The following CPXM2 variants were observed in gnomAD, a reference collection of about 807,000 sequenced individuals.
The protein encoded by CPXM2 is inactive carboxypeptidase-like protein X2.
A neutral mutation model predicts 86.1 loss-of-function variants in CPXM2; 66 were observed. That is an observed-to-expected ratio of 0.77 (90% CI 0.63 to 0.94). The LOEUF is 0.94. Ranked by LOEUF, CPXM2 falls within the 40% of genes least tolerant of loss-of-function variation. The pLI is 0.00. For synonymous variants in CPXM2, 388 were observed against 400.2 expected (o/e 0.97, Z 0.36); for missense variants, 948 against 1,026.3 (o/e 0.92, Z 1.04).
intron 4 of CPXM2, among the ~76,000 whole-genome samples, chr10:123,815,658 T>C (rs1047910110): frequency 3.3e-5 from 5 of 152,210 alleles, no homozygotes; most frequent in African/African-American, 4.8e-5. Flanking sequence ...CCTGAGGCAA[T>C]TGCCAGGCAA....
intron 2 of CPXM2, among the ~76,000 whole-genome samples, chr10:123,937,118 C>A (rs1406378698): frequency 6.6e-6 from 1 of 152,170 alleles, no homozygotes; most frequent in Non-Finnish European, 1.5e-5. Context: ...GCCTTCCTGA[C>A]CAAGTAAAGG....
intron 11 of CPXM2, 41 bp from the exon 12 acceptor site, chr10:123,757,393 C>A (rs920432015): frequency 3.8e-6 from 6 of 1,574,602 alleles, no homozygotes; most frequent in Non-Finnish European, 5.2e-6. Context: ...GAACAATACT[C>A]AAAATGGCAC....
At chr10:123,825,028 G>A (rs1848016644) in intron 4 of CPXM2, among the ~76,000 whole-genome samples, 1 of 152,202 alleles carries the variant, frequency 6.6e-6, no homozygotes, top group African/African-American at 2.4e-5. Flanking sequence ...ACATGGCTTA[G>A]AAATTGGACA....
chr10:123,748,453 GCA>G (rs1406579236), intron 13 of CPXM2, among the ~76,000 whole-genome samples: 1 of 152,142 alleles, frequency 6.6e-6, no homozygotes, highest in African/African-American at 2.4e-5. Context: ...TTGAAATCAT[GCA>G]CATTCTAATC....
At chr10:123,841,722 T>G (rs146361249) in intron 4 of CPXM2, among the ~76,000 whole-genome samples, 2 of 152,254 alleles carry the variant, frequency 1.3e-5, no homozygotes, top group African/African-American at 4.8e-5. Context: ...TTTCACTGTA[T>G]GCATATGTCA....
Position 123,891,294 on chromosome 10 carries a change from T to C in CPXM2, c.304+62A>G. 1 of 1,335,630 alleles carries C rather than the reference T, an allele frequency of 7.5e-7. No homozygotes were observed. The highest frequency in any genetic ancestry group is 2.8e-5 in the Admixed American group (1 of 35,422). 82.7% of individuals were successfully genotyped at this position (1,335,630 alleles called of 1,614,324 possible). A position where few individuals can be genotyped will look rare whatever the true frequency, so the allele number is the denominator to read the frequency against. On this transcript the variant is annotated intron_variant, in intron 1 of 13. Transcript: ENST00000241305. This position sits in a 1 kb window ranked among gnomAD's most constrained non-coding sequence, Gnocchi z 5.6. The stretch of plus-strand genomic sequence containing the variant: ...CACACACAATGGGAGAAGCCAGTTG[T>C]CCCCTGGAGGCGCGCAACCACCGGC...
chr10:123,895,121 C>CTTTTTTTTTTTTTTTTTTTT (rs869104432), upstream of CPXM2, among the ~76,000 whole-genome samples: 109 of 85,856 alleles, frequency 1.3e-3, no homozygotes, highest in Non-Finnish European at 1.6e-3. Flanking sequence ...TCTTTTTTTT[C>CTTTTTTTTTTTTTTTTTTTT]TTTTTTTTTT....
intron 4 of CPXM2, among the ~76,000 whole-genome samples, chr10:123,837,964 C>T (rs972365563): frequency 1.2e-4 from 18 of 152,216 alleles, no homozygotes; most frequent in Non-Finnish European, 2.1e-4. Context: ...TTTACCATGG[C>T]ATGCGCCTTG....
chr10:123,922,250 C>T (rs1945584706), intron 2 of CPXM2, among the ~76,000 whole-genome samples: 1 of 37,400 alleles, frequency 2.7e-5, no homozygotes. Context: ...CATCATCCTA[C>T]CCATTTTGGA....
At chr10:123,792,262 G>GA (rs1214066707) in intron 6 of CPXM2, among the ~76,000 whole-genome samples, 1 of 152,166 alleles carries the variant, frequency 6.6e-6, no homozygotes, top group Non-Finnish European at 1.5e-5. Flanking sequence ...GGGAAATTGG[G>GA]AAAAATCAAG....
chr10:123,836,731 C>T (rs1848289612), intron 4 of CPXM2, among the ~76,000 whole-genome samples: 1 of 152,204 alleles, frequency 6.6e-6, no homozygotes, highest in South Asian at 2.1e-4. Context: ...GGGGTGAAGG[C>T]TTGGAACAGC....
At chr10:123,906,784 T>C (rs1945446157) in intron 2 of CPXM2, among the ~76,000 whole-genome samples, 1 of 152,068 alleles carries the variant, frequency 6.6e-6, no homozygotes, top group South Asian at 2.1e-4. Context: ...CCCATGCACT[T>C]TTAGGAGAGA....
intron 2 of CPXM2, among the ~76,000 whole-genome samples, chr10:123,910,062 C>T (rs1326770283): frequency 1.3e-5 from 2 of 152,092 alleles, no homozygotes; most frequent in East Asian, 1.9e-4. Context: ...GGAGCAGGTG[C>T]AGCCACCATA....
At chr10:123,854,422 TAA>T (rs1491138541) in intron 3 of CPXM2, among the ~76,000 whole-genome samples, 22 of 124,606 alleles carry the variant, frequency 1.8e-4, no homozygotes, top group African/African-American at 6.6e-4. Context: ...ATAAAATATA[TAA>T]TATATATATA....
At chr10:123,826,631 T>C (rs1036826806) in intron 4 of CPXM2, among the ~76,000 whole-genome samples, 16 of 152,092 alleles carry the variant, frequency 1.1e-4, no homozygotes, top group African/African-American at 3.9e-4. Context: ...GTCATAATTT[T>C]ATGACTATAA....
In CPXM2 at chr10:123,746,786, T is replaced by C. The variant is rs7088479; in HGVS notation, c.2249A>G (p.Gln750Arg). ...LPARRLKLRG[Q>R]KRRQRG ...GGGTCACCCACGCTGTCGTCTCTTC[T>C]GCCCCCGCAGCTTCAGCCGCCTGGC... Residue 750 changes from glutamine (Q) to arginine (R), a missense_variant, in exon 14 of 14, where the codon CAG (glutamine) becomes CGG (arginine). Gln to Arg is a conservative substitution (Grantham distance 43, BLOSUM62 1). Coordinates refer to ENST00000241305, the MANE Select transcript of CPXM2 (RefSeq NM_198148.3). 1 allele frequency: 1,608,621 copies of C among 1,614,172 alleles called. 801,632 individuals carry two copies. The highest frequency in any genetic ancestry group is 1 in the East Asian group (44,864 of 44,864).
rs1044806436 is a variant in CPXM2, at chr10:123,780,270, A to G, written c.890-15T>C. The G allele has an allele frequency of 5.3e-6, 8 of 1,512,468 alleles. No individual in the cohort carries two copies. In the African/African-American group the frequency reaches 8.2e-5, roughly 16 times the overall value. The allele number at this position is 1,512,468 out of a possible 1,614,324, so 93.7% of individuals were successfully genotyped here. A position where few individuals can be genotyped will look rare whatever the true frequency, so the allele number is the denominator to read the frequency against. ...ATTATTAGGATCTAGGGACAGAAAC[A>G]TGATTTTGCATTTACTCCCATCATT... is the stretch of plus-strand genomic sequence containing the variant. On this transcript the variant is annotated splice_polypyrimidine_tract_variant and intron_variant, in intron 6 of 13. Coordinates refer to ENST00000241305, the MANE Select transcript of CPXM2 (RefSeq NM_198148.3).
At chr10:123,823,499 C>T (rs1847974594) in intron 4 of CPXM2, among the ~76,000 whole-genome samples, 1 of 152,080 alleles carries the variant, frequency 6.6e-6, no homozygotes, top group Admixed American at 6.6e-5. Context: ...AAAAAGGTTG[C>T]ACAGGGAAGG....
At chr10:123,831,467 T>G (rs1450538806) in intron 4 of CPXM2, among the ~76,000 whole-genome samples, 1 of 152,252 alleles carries the variant, frequency 6.6e-6, no homozygotes, top group East Asian at 1.9e-4. Flanking sequence ...AGGACTTTCA[T>G]GTGCCCTCGG....
Sources: allele counts gnomAD v4.1 joint callset (sites outside exome capture counted in the v4.1 genomes callset), GRCh38; gene constraint gnomAD v4.1.1; non-coding constraint Gnocchi (gnomAD v3.1); transcripts MANE v1.5; gene names NCBI Gene and HGNC (gene_info 2026-07-23, HGNC 2026-07-21).